Variants in LINC00305 observed in about 807,000 individuals in gnomAD.
The protein encoded by LINC00305 is long independently transcribed non-coding RNA 305.
At chr18:64,138,256 T>G in intron 1 of LINC00305, among the ~76,000 whole-genome samples, 1 of 152,166 alleles carries the variant, frequency 6.6e-6, no homozygotes, top group East Asian at 1.9e-4. Flanking sequence ...TTACCTCTTT[T>G]TTTCCCCACC....
rs1431885546 is a variant in LINC00305, at chr18:64,093,774, T to G, written n.540+4060A>C. Among the ~76,000 whole-genome samples, 8 of 152,152 alleles carry G rather than the reference T, an allele frequency of 5.3e-5. No homozygotes were observed. The East Asian group carries it at 1.2e-3, about 22-fold the overall frequency. ...TGAGAGCTGGGAAGGGGCTTAAAGATAGAGCATATGTTGACCTTGAGCAGC... is the reference window on the plus strand; with the variant it reads ...TGAGAGCTGGGAAGGGGCTTAAAGAGAGAGCATATGTTGACCTTGAGCAGC... On this transcript the variant is annotated intron_variant and non_coding_transcript_variant, in intron 3 of 3. Transcript: ENST00000666468.
At chr18:64,095,614 G>T (rs1169672726) in intron 3 of LINC00305, among the ~76,000 whole-genome samples, 2 of 152,144 alleles carry the variant, frequency 1.3e-5, no homozygotes, top group Non-Finnish European at 2.9e-5. Flanking sequence ...ATTTACAACT[G>T]CATTTCATCA....
chr18:64,083,692 T>A (rs2051193110), intron 3 of LINC00305, among the ~76,000 whole-genome samples: 2 of 152,174 alleles, frequency 1.3e-5, no homozygotes, highest in South Asian at 4.1e-4. Context: ...GTCATTTCTC[T>A]TCTAGTAGAG....
At chr18:64,090,148 G>A (rs1208816178) in intron 3 of LINC00305, among the ~76,000 whole-genome samples, 1 of 152,116 alleles carries the variant, frequency 6.6e-6, no homozygotes, top group Non-Finnish European at 1.5e-5. Context: ...AAACCTAGGT[G>A]GAAAAGTTTA....
intron 3 of LINC00305, among the ~76,000 whole-genome samples, chr18:64,096,613 A>G (rs2051246146): frequency 6.6e-6 from 1 of 151,936 alleles, no homozygotes; most frequent in Non-Finnish European, 1.5e-5. Flanking sequence ...TTGTATCTTT[A>G]CAGTATACAA....
At chr18:64,120,214 C>T (rs1247256341) in intron 1 of LINC00305, among the ~76,000 whole-genome samples, 1 of 152,104 alleles carries the variant, frequency 6.6e-6, no homozygotes, top group Non-Finnish European at 1.5e-5. Flanking sequence ...GAAACCAAGC[C>T]AATTGCTGTG....
chr18:64,107,680 G>A (rs1045487517), intron 1 of LINC00305, among the ~76,000 whole-genome samples: 2 of 152,144 alleles, frequency 1.3e-5, no homozygotes, highest in Non-Finnish European at 2.9e-5. Flanking sequence ...TCGTGACATC[G>A]GAGATACAAA....
chr18:64,141,445 A>G (rs1045432659), intron 1 of LINC00305, among the ~76,000 whole-genome samples: 2 of 152,168 alleles, frequency 1.3e-5, no homozygotes, highest in South Asian at 2.1e-4. Flanking sequence ...ACGAGCATGA[A>G]TTCTCTTTTA....
chr18:64,110,822 G>A (rs2051311902), intron 1 of LINC00305, among the ~76,000 whole-genome samples: 1 of 152,172 alleles, frequency 6.6e-6, no homozygotes, highest in African/African-American at 2.4e-5. Context: ...TGCTACACTT[G>A]GAAAACATTA....
At chr18:64,122,548 C>T (rs1599222420) in intron 1 of LINC00305, among the ~76,000 whole-genome samples, 1 of 152,004 alleles carries the variant, frequency 6.6e-6, no homozygotes, top group East Asian at 1.9e-4. Context: ...ATCTATGTGT[C>T]TATTTTTATA....
intron 1 of LINC00305, among the ~76,000 whole-genome samples, chr18:64,120,249 T>C (rs1235865466): frequency 6.6e-6 from 1 of 152,110 alleles, no homozygotes; most frequent in African/African-American, 2.4e-5. Flanking sequence ...ACAGATGCTC[T>C]TCTTCCATCC....
intron 1 of LINC00305, among the ~76,000 whole-genome samples, chr18:64,130,687 T>C (rs564534516): frequency 6.6e-6 from 1 of 152,298 alleles, no homozygotes; most frequent in South Asian, 2.1e-4. Flanking sequence ...TTCAGTACAA[T>C]CTTCACAGAA....
chr18:64,107,495 A>C (rs1420681818), intron 1 of LINC00305, among the ~76,000 whole-genome samples: 2 of 152,254 alleles, frequency 1.3e-5, no homozygotes, highest in Non-Finnish European at 2.9e-5. Context: ...GGCTGCGTAC[A>C]GAAGGCATTG....
intron 1 of LINC00305, among the ~76,000 whole-genome samples, chr18:64,142,868 C>T (rs1205583482): frequency 2.0e-5 from 3 of 152,056 alleles, no homozygotes; most frequent in Non-Finnish European, 2.9e-5. Flanking sequence ...CATAGAATAA[C>T]GCCAATCACT....
intron 1 of LINC00305, among the ~76,000 whole-genome samples, chr18:64,117,839 C>A (rs1001007479): frequency 5.3e-5 from 8 of 152,126 alleles, no homozygotes; most frequent in African/African-American, 1.2e-4. Flanking sequence ...TCAATCTGTT[C>A]TTGAGATGCT....
intron 1 of LINC00305, among the ~76,000 whole-genome samples, chr18:64,132,687 A>G (rs564154929): frequency 9.2e-5 from 14 of 152,190 alleles, no homozygotes; most frequent in Non-Finnish European, 1.8e-4. Context: ...CCACAGCTCC[A>G]TGATTCTCCT....
intron 3 of LINC00305, among the ~76,000 whole-genome samples, chr18:64,090,373 A>G (rs1241125258): frequency 6.6e-6 from 1 of 152,210 alleles, no homozygotes; most frequent in Non-Finnish European, 1.5e-5. Context: ...ACTTGATAAT[A>G]AAATTCTCCT....
intron 1 of LINC00305, among the ~76,000 whole-genome samples, chr18:64,100,215 A>G (rs1048950756): frequency 6.6e-6 from 1 of 152,158 alleles, no homozygotes; most frequent in Non-Finnish European, 1.5e-5. Flanking sequence ...CTCGTGTAAC[A>G]GATAAAGTAA....
chr18:64,099,525 T>G (rs2144238741), intron 1 of LINC00305, among the ~76,000 whole-genome samples: 1 of 152,318 alleles, frequency 6.6e-6, no homozygotes, highest in African/African-American at 2.4e-5. Flanking sequence ...ATAGTTGGTC[T>G]TAAGCTTTGA....
Sources: allele counts gnomAD v4.1 joint callset (sites outside exome capture counted in the v4.1 genomes callset), GRCh38; gene constraint gnomAD v4.1.1; transcripts MANE v1.5; gene names NCBI Gene and HGNC (gene_info 2026-07-23, HGNC 2026-07-21).